ITPR2: variants seen among roughly 807,000 people sequenced by gnomAD.
ITPR2 encodes inositol 1,4,5-trisphosphate receptor type 2, also known as inositol 1,4,5-trisphosphate-gated calcium channel ITPR2.
In ITPR2, 207 loss-of-function variants were observed where a neutral mutation model predicts 317.1. The ratio of observed to expected loss-of-function variants is 0.65; its 90% CI spans 0.58 to 0.73. ITPR2 has a LOEUF of 0.73. Ranked by LOEUF, ITPR2 falls within the 30% of genes least tolerant of loss-of-function variation. The probability of loss-of-function intolerance (pLI) is 0.00; values close to 1 mark genes in which losing one functional copy is unlikely to be tolerated. For synonymous variants in ITPR2, 1,156 were observed against 1,149.1 expected, an observed-to-expected ratio of 1.01 and a Z score of -0.12; for missense variants, 2,613 against 3,284.0, an observed-to-expected ratio of 0.80 and a Z score of 4.99.
chr12:26,621,585 C>T (rs1946496466), intron 25 of ITPR2, among the ~76,000 whole-genome samples: 1 of 152,102 alleles, frequency 6.6e-6, no homozygotes, highest in Non-Finnish European at 1.5e-5. Flanking sequence ...TCAATAGATA[C>T]AATCTAAACC....
At chr12:26,597,459 T>G (rs899304515) in intron 30 of ITPR2, among the ~76,000 whole-genome samples, 5 of 152,230 alleles carry the variant, frequency 3.3e-5, no homozygotes, top group African/African-American at 1.2e-4. Context: ...TACTTTTTTT[T>G]GGGAGACTCC....
At chr12:26,565,412 A>AG (rs1208507808) in intron 34 of ITPR2, among the ~76,000 whole-genome samples, 2 of 151,858 alleles carry the variant, frequency 1.3e-5, no homozygotes, top group Non-Finnish European at 2.9e-5. Flanking sequence ...GATAGTCCCC[A>AG]GAAGGCTTAC....
chr12:26,665,005 G>T (rs1174805853), intron 14 of ITPR2, among the ~76,000 whole-genome samples: 1 of 152,032 alleles, frequency 6.6e-6, no homozygotes, highest in Non-Finnish European at 1.5e-5. Context: ...CTTCATTAAT[G>T]AAGAAACTCA....
intron 54 of ITPR2, among the ~76,000 whole-genome samples, chr12:26,393,577 T>G (rs1939910585): frequency 6.6e-6 from 1 of 152,222 alleles, no homozygotes; most frequent in African/African-American, 2.4e-5. Context: ...AAGTTTCTAT[T>G]TTATTTTAAA....
At position 26,436,285 on chromosome 12, in the gene ITPR2, G is replaced by T; in HGVS notation, c.6705C>A (p.Asn2235Lys). ...CAGCTAAATTGATGAACACAGCCAGGTTGAAGGAAATGCTCCCCCAGAGAG... is the reference window on the plus strand; with the variant it reads ...CAGCTAAATTGATGAACACAGCCAGTTTGAAGGAAATGCTCCCCCAGAGAG... ...HISLWGSISF[N>K]LAVFINLAVA... is the part of the protein sequence containing the mutation. The change falls in exon 48 of 57, where the codon AAC (asparagine) becomes AAA (lysine). Residue 2235 changes from asparagine to lysine, a missense_variant. Physicochemically the swap from Asn to Lys is moderately conservative, Grantham distance 94. This residue lies in a region of ITPR2 where 926 missense variants were observed against 1,072.8 expected (regional missense o/e 0.86). Transcript: ENST00000381340. 6.2e-7 allele frequency: 1 copy of T among 1,613,382 alleles called. No individual in the cohort carries two copies. Among genetic ancestry groups the T allele is most frequent in the Non-Finnish European group, 8.5e-7 (1 of 1,179,606 alleles).
Position 26,621,203 on chromosome 12 carries a change from G to C in ITPR2, c.3382C>G (p.Leu1128Val), listed in dbSNP as rs1277728319. Residue 1128 changes from leucine to valine, a missense_variant, in exon 26 of 57, where the codon CTA becomes GTA. Leu to Val is a conservative substitution (Grantham distance 32). Around this residue, in one of 9 missense-constraint regions of ITPR2, gnomAD observed 817 missense variants for 897.6 expected, o/e 0.91. Transcript: ENST00000381340. ...QLRLTVEKSELWVEKSSNYEN... is the reference protein window; with the variant it reads ...QLRLTVEKSEVWVEKSSNYEN... ...TAGTTGCTGCTCTTCTCCACCCATA[G>C]CTCAGACTTTTCTACTGTCAGTCGA... 6.2e-7 allele frequency: 1 copy of C among 1,613,794 alleles called. No individual in the cohort carries two copies. The highest frequency in any genetic ancestry group is 8.5e-7 in the Non-Finnish European group (1 of 1,179,834).
At chr12:26,381,189 G>A (rs1939499168) in intron 55 of ITPR2, among the ~76,000 whole-genome samples, 1 of 152,120 alleles carries the variant, frequency 6.6e-6, no homozygotes, top group African/African-American at 2.4e-5. Flanking sequence ...TTGGGTCAAG[G>A]GACATAACCC....
At chr12:26,426,828 AAAAT>A (rs1941074229) in intron 49 of ITPR2, among the ~76,000 whole-genome samples, 1 of 150,976 alleles carries the variant, frequency 6.6e-6, no homozygotes, top group Admixed American at 6.6e-5. Context: ...ATAAATAAAT[AAAAT>A]AAATACATTT....
At chr12:26,505,066 T>C (rs1943154883) in intron 37 of ITPR2, among the ~76,000 whole-genome samples, 1 of 152,192 alleles carries the variant, frequency 6.6e-6, no homozygotes, top group South Asian at 2.1e-4. Flanking sequence ...CAGGTAATGT[T>C]CTCATTCTTC....
chr12:26,741,919 T>C (rs547577793), intron 2 of ITPR2, among the ~76,000 whole-genome samples: 10 of 152,080 alleles, frequency 6.6e-5, no homozygotes, highest in African/African-American at 1.7e-4. Context: ...AGGAAATACA[T>C]TGGGAAGGAG....
In ITPR2 at chr12:26,682,643, G is replaced by C; in HGVS notation, c.1179C>G (p.Cys393Trp). ...TAGTACTGGTTACCCATGTGTTGGT[G>C]CATAAATGCCTTAACCGAACATATG... is the stretch of plus-strand genomic sequence containing the variant. ...RNSYVRLRHLCTNTWVTSTSI... is the reference protein window; with the variant it reads ...RNSYVRLRHLWTNTWVTSTSI... Residue 393 changes from cysteine to tryptophan, a missense_variant, in exon 12 of 57, where the codon TGC becomes TGG. Coordinates refer to ENST00000381340, the MANE Select transcript of ITPR2 (RefSeq NM_002223.4). 1.2e-6 allele frequency: 2 copies of C among 1,612,642 alleles called. No homozygotes were observed. Among genetic ancestry groups the C allele is most frequent in the Non-Finnish European group, 1.7e-6 (2 of 1,179,016 alleles).
At chr12:26,418,379 AT>A (rs1253620113) in intron 50 of ITPR2, among the ~76,000 whole-genome samples, 1 of 152,196 alleles carries the variant, frequency 6.6e-6, no homozygotes, top group African/African-American at 2.4e-5. Flanking sequence ...GCTTCAAAAC[AT>A]TATCACATAT....
intron 41 of ITPR2, among the ~76,000 whole-genome samples, chr12:26,485,716 T>C (rs1942650542): frequency 6.6e-6 from 1 of 152,200 alleles, no homozygotes; most frequent in Admixed American, 6.5e-5. Context: ...TCAAGAAATA[T>C]GAATTGGCTT....
chr12:26,509,870 T>C (rs1350000997), intron 37 of ITPR2, among the ~76,000 whole-genome samples: 1 of 151,578 alleles, frequency 6.6e-6, no homozygotes, highest in African/African-American at 2.4e-5. Flanking sequence ...ATGGAAATTA[T>C]GGTTCACAAA....
chr12:26,823,478 T>C (rs1950968386), intron 1 of ITPR2, among the ~76,000 whole-genome samples: 1 of 152,166 alleles, frequency 6.6e-6, no homozygotes, highest in Admixed American at 6.5e-5. Flanking sequence ...ATTAATCCAT[T>C]GAGATAATAA....
chr12:26,675,787 C>T (rs1003550061), intron 13 of ITPR2, among the ~76,000 whole-genome samples: 1 of 152,146 alleles, frequency 6.6e-6, no homozygotes, highest in African/African-American at 2.4e-5. Flanking sequence ...ACAAGAGATG[C>T]TAGAAAATAA....
chr12:26,647,715 C>T (rs773193138), intron 21 of ITPR2, among the ~76,000 whole-genome samples: 1 of 152,224 alleles, frequency 6.6e-6, no homozygotes, highest in Non-Finnish European at 1.5e-5. Context: ...GACTCAACCA[C>T]ACAGCCTCCT....
intron 1 of ITPR2, 111 bp downstream of exon 1, chr12:26,832,579 C>G: frequency 1.4e-6 from 1 of 740,510 alleles, no homozygotes; most frequent in Non-Finnish European, 2.1e-6. Context: ...CGACCCTGCC[C>G]GGCCGGGCCA....
At position 26,533,718 on chromosome 12, in the gene ITPR2, C is replaced by T. The variant is rs373197609; in HGVS notation, c.5073+16529G>A. On this transcript the variant is annotated intron_variant, in intron 37 of 56. Coordinates refer to ENST00000381340, the MANE Select transcript of ITPR2 (RefSeq NM_002223.4). ...ATATGAAGACACAAGGAGAGGGTGG[C>T]CATCTACAAGCCAAGGAGAAACACC... Among the ~76,000 whole-genome samples, 8 of 152,240 alleles carry T rather than the reference C, an allele frequency of 5.3e-5. No homozygotes were observed. In the South Asian group the frequency reaches 1.7e-3, roughly 32 times the overall value.
Sources: allele counts gnomAD v4.1 joint callset (sites outside exome capture counted in the v4.1 genomes callset), GRCh38; gene constraint gnomAD v4.1.1; regional missense constraint gnomAD v4.1.1; transcripts MANE v1.5; gene names NCBI Gene and HGNC (gene_info 2026-07-23, HGNC 2026-07-21).